Variants in ATF2 observed in about 807,000 individuals in gnomAD.
ATF2 encodes the protein cyclic AMP-dependent transcription factor ATF-2.
A neutral mutation model predicts 60.6 loss-of-function variants in ATF2; 24 were observed. That is an observed-to-expected ratio of 0.40 (90% CI 0.29 to 0.56). The LOEUF (loss-of-function observed/expected upper bound fraction) is 0.56. Among genes scored for constraint, ATF2 ranks in the 20% least tolerant of loss-of-function variants. The pLI is 0.54. For synonymous variants in ATF2, 206 were observed against 215.4 expected, an observed-to-expected ratio of 0.96 and a Z score of 0.38; for missense variants, 433 against 607.7, an observed-to-expected ratio of 0.71 and a Z score of 3.02.
At chr2:175,122,386 T>C (rs1193550040) in intron 4 of ATF2, among the ~76,000 whole-genome samples, 2 of 151,964 alleles carry the variant, frequency 1.3e-5, no homozygotes, top group African/African-American at 4.8e-5. Flanking sequence ...AGAGCAATAA[T>C]TTTAAAATGC....
At chr2:175,146,297 T>C (rs1271476014) in intron 2 of ATF2, among the ~76,000 whole-genome samples, 1 of 152,118 alleles carries the variant, frequency 6.6e-6, no homozygotes, top group East Asian at 1.9e-4. Flanking sequence ...ACATAACAAA[T>C]AATTGCAACC....
At chr2:175,159,052 T>C (rs1346598196) in intron 1 of ATF2, among the ~76,000 whole-genome samples, 2 of 152,114 alleles carry the variant, frequency 1.3e-5, no homozygotes, top group Non-Finnish European at 2.9e-5. Context: ...GCATGATAGC[T>C]CAACCCTGTA....
intron 1 of ATF2, among the ~76,000 whole-genome samples, chr2:175,154,144 G>A (rs1487887672): frequency 2.6e-5 from 4 of 151,180 alleles, no homozygotes; most frequent in African/African-American, 7.3e-5. Context: ...AACCTGGGAG[G>A]CGGCGGTTGC....
At chr2:175,111,960 A>G (rs1229138617) in intron 9 of ATF2, among the ~76,000 whole-genome samples, 3 of 152,228 alleles carry the variant, frequency 2.0e-5, no homozygotes, top group African/African-American at 7.2e-5. Context: ...GATCTGTCAA[A>G]CTTCCATTTT....
chr2:175,075,249 G>T (rs111845446), intron 13 of ATF2, among the ~76,000 whole-genome samples: 2 of 152,206 alleles, frequency 1.3e-5, no homozygotes, highest in African/African-American at 2.4e-5. Flanking sequence ...TAAACAAAAT[G>T]AATTCTTACA....
At chr2:175,124,935 A>G (rs1256195222) in intron 4 of ATF2, among the ~76,000 whole-genome samples, 1 of 152,090 alleles carries the variant, frequency 6.6e-6, no homozygotes, top group Non-Finnish European at 1.5e-5. Context: ...TGAAATTAAC[A>G]GGCATGTGGA....
chr2:175,080,155 A>AT (rs1160964390), intron 13 of ATF2: 1 of 152,204 alleles, frequency 6.6e-6, no homozygotes, highest in African/African-American at 2.4e-5. Context: ...CTAACTAGAT[A>AT]TCTCAATATA....
chr2:175,148,178 G>A (rs937164652), intron 2 of ATF2, among the ~76,000 whole-genome samples: 3 of 152,080 alleles, frequency 2.0e-5, no homozygotes, highest in Admixed American at 6.6e-5. Context: ...ACTATGTCTT[G>A]TGATTGGATC....
chr2:175,140,786 G>C (rs1035804272), intron 2 of ATF2, among the ~76,000 whole-genome samples: 1 of 143,358 alleles, frequency 7.0e-6, no homozygotes, highest in African/African-American at 2.6e-5. Flanking sequence ...AGGAGTTCAA[G>C]ACCACCCTGG....
chr2:175,075,057 G>A (rs760478454), intron 13 of ATF2: 114 of 1,403,904 alleles, frequency 8.1e-5, no homozygotes, highest in Non-Finnish European at 1.1e-4. Context: ...GGTGCCCACT[G>A]CCTTATGGAA....
At chr2:175,152,251 C>T (rs76253523) in intron 1 of ATF2, among the ~76,000 whole-genome samples, 5,211 of 152,192 alleles carry the variant, frequency 0.034, 297 homozygotes, top group African/African-American at 0.12. Context: ...CCAAGACTAA[C>T]ATTCATAAGG....
chr2:175,123,201 T>C (rs983161821), intron 4 of ATF2, among the ~76,000 whole-genome samples: 1 of 152,064 alleles, frequency 6.6e-6, no homozygotes, highest in Non-Finnish European at 1.5e-5. Context: ...AGTGGTACTT[T>C]TGACAGATTG....
chr2:175,099,935 A>G (rs890293161), intron 10 of ATF2, among the ~76,000 whole-genome samples: 3 of 152,260 alleles, frequency 2.0e-5, no homozygotes, highest in Admixed American at 1.3e-4. Flanking sequence ...AAAAACAATC[A>G]TAAGGATTTA....
chr2:175,130,474 T>C (rs1360901892), intron 3 of ATF2, among the ~76,000 whole-genome samples: 1 of 152,116 alleles, frequency 6.6e-6, no homozygotes, highest in Non-Finnish European at 1.5e-5. Context: ...AAAGTACTTA[T>C]GGTGAAATGA....
chr2:175,117,188 A>G (rs1696634561), intron 7 of ATF2, among the ~76,000 whole-genome samples: 1 of 151,804 alleles, frequency 6.6e-6, no homozygotes, highest in African/African-American at 2.4e-5. Context: ...ATTCTTAGAG[A>G]AGAAGAATGA....
chr2:175,120,971 T>C lies in ATF2; in HGVS notation c.199+473A>G, dbSNP rs541690054. Reference sequence around the variant, plus strand: ...TTGACTGAATTTAGAGCCTCCTTACTGAGAATATTTTACTAATACAAATGT... The same window carrying C: ...TTGACTGAATTTAGAGCCTCCTTACCGAGAATATTTTACTAATACAAATGT... On this transcript the variant is annotated intron_variant, in intron 5 of 13. Coordinates refer to ENST00000264110, the MANE Select transcript of ATF2 (RefSeq NM_001880.4). 8.3e-4 allele frequency among the ~76,000 whole-genome samples: 126 copies of C among 151,866 alleles called. 1 individual carries two copies. Among genetic ancestry groups the C allele is most frequent in the African/African-American group, 3.0e-3 (123 of 41,544 alleles).
chr2:175,078,621 T>C (rs1056910011), intron 13 of ATF2, among the ~76,000 whole-genome samples: 3 of 152,172 alleles, frequency 2.0e-5, no homozygotes, highest in African/African-American at 4.8e-5. Flanking sequence ...CCACCTTTAC[T>C]TGAAAGATTT....
Position 175,074,710 on chromosome 2 carries a change from CTACAG to C in ATF2, c.1412_1416del (p.Ala471GlyfsTer74). On this transcript the variant is annotated frameshift_variant, in exon 14 of 14. Coordinates refer to ENST00000264110, the MANE Select transcript of ATF2 (RefSeq NM_001880.4). LOFTEE classifies it high-confidence loss of function. The stretch of plus-strand genomic sequence containing the variant: ...GCCATCTGGGTGAGGACTGAAGTGG[CTACAG>C]CTTCTGCCTTGGAGGTTGAACTGAC... The C allele has an allele frequency of 6.2e-7, 1 of 1,613,434 alleles. No homozygotes were observed. Among genetic ancestry groups the C allele is most frequent in the South Asian group, 1.1e-5 (1 of 91,078 alleles).
At chr2:175,139,124 C>A (rs1464237806) in intron 2 of ATF2, among the ~76,000 whole-genome samples, 2 of 152,194 alleles carry the variant, frequency 1.3e-5, no homozygotes, top group Non-Finnish European at 2.9e-5. Context: ...ATGGCAGCTG[C>A]AGTTCTATTA....
Sources: allele counts gnomAD v4.1 joint callset (sites outside exome capture counted in the v4.1 genomes callset), GRCh38; gene constraint gnomAD v4.1.1; transcripts MANE v1.5; gene names NCBI Gene and HGNC (gene_info 2026-07-23, HGNC 2026-07-21).